DMD: variants seen among roughly 807,000 people sequenced by gnomAD.
DMD encodes dystrophin.
Under a neutral mutation model 330.1 loss-of-function variants are expected in DMD, and 63 were observed. The observed-to-expected ratio is 0.19, with a 90% CI of 0.16 to 0.24. The LOEUF (loss-of-function observed/expected upper bound fraction) is 0.24. Among genes scored for constraint, DMD ranks in the 10% least tolerant of loss-of-function variants. The probability of loss-of-function intolerance (pLI) is 1.00; values close to 1 mark genes in which losing one functional copy is unlikely to be tolerated. For missense variants in DMD, 3,344 were observed against 2,684.1 expected, an observed-to-expected ratio of 1.25 and a Z score of -5.43; for synonymous variants, 1,223 against 959.8, an observed-to-expected ratio of 1.27 and a Z score of -5.07.
intron 1 of DMD, among the ~76,000 whole-genome samples, chrX:33,058,124 C>T (rs765850629): frequency 3.6e-5 from 4 of 111,891 alleles, no homozygotes; most frequent in African/African-American, 1.3e-4. Flanking sequence ...AAGTGATCCG[C>T]CCTCCTGGGC....
At chrX:33,182,558 G>C (rs1400758627) in intron 1 of DMD, among the ~76,000 whole-genome samples, 3 of 110,960 alleles carry the variant, frequency 2.7e-5, no homozygotes, top group African/African-American at 9.9e-5. Context: ...ATAGGCATGA[G>C]CCACCACACC....
At chrX:31,456,527 T>A (rs1053593644) in intron 59 of DMD, among the ~76,000 whole-genome samples, 2 of 111,858 alleles carry the variant, frequency 1.8e-5, no homozygotes, top group Non-Finnish European at 3.8e-5. Flanking sequence ...GGAAGCATAG[T>A]GTGGGGAAGA....
Position 32,267,880 on chromosome X carries a change from G to A in DMD, c.6290+19649C>T, listed in dbSNP as rs755496057. On this transcript the variant is annotated intron_variant, in intron 43 of 78. Transcript: ENST00000357033. Reference sequence around the variant, plus strand: ...AATCACACTTAAAAAACAAACCATGGCTATGATCTTTTTAAAGCTGTAAAG... The same window carrying A: ...AATCACACTTAAAAAACAAACCATGACTATGATCTTTTTAAAGCTGTAAAG... Among the ~76,000 whole-genome samples, 15 of 111,891 alleles carry A rather than the reference G, an allele frequency of 1.3e-4. No homozygotes were observed. The South Asian group carries it at 5.5e-3, about 41-fold the overall frequency.
intron 1 of DMD, among the ~76,000 whole-genome samples, chrX:33,064,982 G>A (rs925971145): frequency 1.8e-5 from 2 of 112,058 alleles, no homozygotes; most frequent in Non-Finnish European, 3.8e-5. Context: ...AATAAGCAAA[G>A]GTCTCTACTT....
chrX:32,499,257 C>T (rs956470854), intron 19 of DMD, among the ~76,000 whole-genome samples: 9 of 111,779 alleles, frequency 8.1e-5, no homozygotes, highest in African/African-American at 9.7e-5. Flanking sequence ...AGTATAGATA[C>T]ATATAAAATA....
chrX:32,379,880 T>C (rs1368169530), intron 34 of DMD, among the ~76,000 whole-genome samples: 1 of 110,721 alleles, frequency 9.0e-6, no homozygotes, highest in Admixed American at 9.7e-5. Context: ...ATTTTCTTTA[T>C]ATCAACACAC....
At chrX:31,733,671 T>C (rs2086667803) in intron 51 of DMD, among the ~76,000 whole-genome samples, 1 of 111,760 alleles carries the variant, frequency 8.9e-6, no homozygotes, top group Non-Finnish European at 1.9e-5. Context: ...TACTAAATTG[T>C]AGCCTTTCTA....
intron 7 of DMD, among the ~76,000 whole-genome samples, chrX:32,775,438 C>T (rs1174529584): frequency 2.7e-5 from 3 of 113,012 alleles, no homozygotes; most frequent in African/African-American, 9.6e-5. Flanking sequence ...TCTACCTGAA[C>T]ATCCAGGTGT....
chrX:32,692,511 T>TA (rs1288379514), intron 9 of DMD, among the ~76,000 whole-genome samples: 3 of 111,562 alleles, frequency 2.7e-5, no homozygotes, highest in Non-Finnish European at 3.8e-5. Flanking sequence ...AAGGCAGAGA[T>TA]AGAGTGAAAA....
intron 43 of DMD, among the ~76,000 whole-genome samples, chrX:32,218,833 T>TAAA (rs2097122952): frequency 8.9e-6 from 1 of 112,017 alleles, no homozygotes; most frequent in Admixed American, 9.5e-5. Flanking sequence ...ATCTCTTGTT[T>TAAA]CAATGGCACT....
At chrX:32,718,171 C>A (rs764245229) in intron 7 of DMD, among the ~76,000 whole-genome samples, 1 of 110,770 alleles carries the variant, frequency 9.0e-6, no homozygotes, top group African/African-American at 3.3e-5. Flanking sequence ...TGGGGCAGAA[C>A]GATATAGTTT....
chrX:32,493,245 A>G (rs1443641719), intron 19 of DMD, among the ~76,000 whole-genome samples: 2 of 111,842 alleles, frequency 1.8e-5, no homozygotes, highest in Non-Finnish European at 3.8e-5. Context: ...CTGCCAAACC[A>G]TGTCCCTCAA....
At position 33,036,836 on chromosome X, in the gene DMD, T is replaced by C. The variant is rs776608530; in HGVS notation, c.32-16636A>G. 4.5e-5 allele frequency among the ~76,000 whole-genome samples: 5 copies of C among 110,758 alleles called. No individual in the cohort carries two copies. In the South Asian group the frequency reaches 1.5e-3, roughly 34 times the overall value. ...ATATATATATATACATACATATACA[T>C]ATACACATACATACGTATGTATTTA... On this transcript the variant is annotated intron_variant, in intron 1 of 78. Transcript: ENST00000357033.
chrX:32,598,338 G>C (rs760600334), intron 12 of DMD, among the ~76,000 whole-genome samples: 113 of 111,564 alleles, frequency 1.0e-3, no homozygotes, highest in Middle Eastern at 4.6e-3. Context: ...ATTCAGAGTT[G>C]TCCTTGACAG....
At chrX:32,318,398 T>A (rs780820590) in intron 41 of DMD, among the ~76,000 whole-genome samples, 1 of 111,617 alleles carries the variant, frequency 9.0e-6, no homozygotes, top group African/African-American at 3.2e-5. Context: ...TAATCTGCGT[T>A]GTCACTGTTT....
intron 45 of DMD, among the ~76,000 whole-genome samples, chrX:31,951,570 A>G (rs1372567925): frequency 1.8e-5 from 2 of 110,475 alleles, no homozygotes; most frequent in African/African-American, 6.6e-5. Context: ...AAGATTACAT[A>G]TGCATCTTAA....
chrX:32,762,180 C>CA (rs200943038), intron 7 of DMD, among the ~76,000 whole-genome samples: 10,237 of 104,814 alleles, frequency 0.098, 531 homozygotes, highest in Admixed American at 0.19. Context: ...AAAAAAAAAT[C>CA]AAAAAAAACA....
At chrX:32,772,241 A>G (rs1040509516) in intron 7 of DMD, among the ~76,000 whole-genome samples, 1 of 112,731 alleles carries the variant, frequency 8.9e-6, no homozygotes, top group Admixed American at 9.4e-5. Flanking sequence ...ATATTCTACT[A>G]TATGCACTTA....
chrX:31,686,387 G>T, intron 52 of DMD, among the ~76,000 whole-genome samples: 1 of 111,875 alleles, frequency 8.9e-6, no homozygotes, highest in African/African-American at 3.2e-5. Context: ...TGCATTTCAA[G>T]TTTTCATAAT....
Sources: gnomAD v4.1 joint callset for allele counts (sites outside exome capture counted in the v4.1 genomes callset) on GRCh38, gnomAD v4.1.1 for gene constraint, MANE v1.5 for transcripts, NCBI Gene and HGNC (gene_info 2026-07-23, HGNC 2026-07-21) for gene names.